The following AGTPBP1 variants were observed in gnomAD, a reference collection of about 807,000 sequenced individuals.
AGTPBP1 encodes the protein ATP/GTP binding carboxypeptidase 1, also known as cytosolic carboxypeptidase 1.
AGTPBP1 carries 70 observed loss-of-function variants against 143.9 expected under a neutral mutation model. The observed-to-expected ratio is 0.49, with a 90% CI of 0.40 to 0.59. The LOEUF is 0.59. Ranked by LOEUF, AGTPBP1 falls within the 20% of genes least tolerant of loss-of-function variation. The probability of loss-of-function intolerance (pLI) is 0.00; values close to 1 mark genes in which losing one functional copy is unlikely to be tolerated. For synonymous variants in AGTPBP1, 463 were observed against 500.2 expected, an observed-to-expected ratio of 0.93 and a Z score of 0.99; for missense variants, 1,229 against 1,464.5, an observed-to-expected ratio of 0.84 and a Z score of 2.62.
At chr9:85,548,666 T>G (rs943806791) in intron 25 of AGTPBP1, among the ~76,000 whole-genome samples, 5 of 136,242 alleles carry the variant, frequency 3.7e-5, no homozygotes, top group South Asian at 4.4e-4. Flanking sequence ...TTGGCTTTGG[T>G]TTTTTTTTGT....
the AGTPBP1 span, among the ~76,000 whole-genome samples, chr9:85,771,340 G>A: frequency 1.3e-5 from 2 of 152,110 alleles, no homozygotes; most frequent in Admixed American, 6.5e-5. Context: ...GCCGGGTGTG[G>A]TAGCATACAC....
chr9:85,676,023 C>CAA (rs563099446), intron 6 of AGTPBP1, among the ~76,000 whole-genome samples: 7 of 150,674 alleles, frequency 4.6e-5, no homozygotes, highest in Non-Finnish European at 8.8e-5. Flanking sequence ...GCCTCCGTCT[C>CAA]AAAAATAAAA....
chr9:85,563,187 G>C (rs143046281), intron 25 of AGTPBP1, among the ~76,000 whole-genome samples: 1 of 152,280 alleles, frequency 6.6e-6, no homozygotes, highest in African/African-American at 2.4e-5. Flanking sequence ...ACCAAGAACT[G>C]GGGGTGCTAT....
intron 1 of AGTPBP1, among the ~76,000 whole-genome samples, chr9:85,735,749 G>C (rs1006766807): frequency 6.6e-6 from 1 of 152,102 alleles, no homozygotes; most frequent in South Asian, 2.1e-4. Context: ...TAAACCTAAA[G>C]AGTTCTTGTT....
chr9:85,614,982 C>T (rs564129442), intron 17 of AGTPBP1, among the ~76,000 whole-genome samples: 2 of 152,234 alleles, frequency 1.3e-5, no homozygotes, highest in Non-Finnish European at 2.9e-5. Context: ...AACGGTATTT[C>T]GTACCTTTCG....
upstream of AGTPBP1, among the ~76,000 whole-genome samples, chr9:85,743,866 C>G (rs1824538360): frequency 6.6e-6 from 1 of 152,070 alleles, no homozygotes; most frequent in Non-Finnish European, 1.5e-5. Flanking sequence ...CCGAGAACCT[C>G]AGCCTCCAAA....
In AGTPBP1 at chr9:85,642,753, G is replaced by A. The variant is rs1473399766; in HGVS notation, c.1302+74C>T. 4.4e-6 allele frequency: 5 copies of A among 1,132,048 alleles called. No homozygotes were observed. The East Asian group carries it at 1.2e-4, about 27-fold the overall frequency. 70.1% of individuals were successfully genotyped at this position (1,132,048 alleles called of 1,614,324 possible). A position where few individuals can be genotyped will look rare whatever the true frequency, so the allele number is the denominator to read the frequency against. Reference sequence around the variant, plus strand: ...GAAATGGAAAGAAAATAAAAACAGTGATTATCGACCTAAGGGAAAAAAAAT... The same window carrying A: ...GAAATGGAAAGAAAATAAAAACAGTAATTATCGACCTAAGGGAAAAAAAAT... On this transcript the variant is annotated intron_variant, in intron 13 of 25. Coordinates refer to ENST00000357081, the MANE Select transcript of AGTPBP1 (RefSeq NM_001330701.2).
At chr9:85,609,010 T>C (rs1193212354) in intron 17 of AGTPBP1, among the ~76,000 whole-genome samples, 1 of 152,146 alleles carries the variant, frequency 6.6e-6, no homozygotes, top group Non-Finnish European at 1.5e-5. Flanking sequence ...AAATTATCTC[T>C]GTTGGAGAAG....
chr9:85,798,435 TC>T, the AGTPBP1 span, among the ~76,000 whole-genome samples: 4 of 150,992 alleles, frequency 2.6e-5, no homozygotes, highest in African/African-American at 9.7e-5. Flanking sequence ...TGGCGTGACC[TC>T]AGCTCACTGC....
chr9:85,614,332 A>C (rs1299099048), intron 17 of AGTPBP1, among the ~76,000 whole-genome samples: 1 of 152,074 alleles, frequency 6.6e-6, no homozygotes, highest in East Asian at 1.9e-4. Flanking sequence ...GTTGATTTTC[A>C]AGTAAATATA....
chr9:85,753,567 C>T, the AGTPBP1 span: 1,172 of 1,039,628 alleles, frequency 1.1e-3, 1 homozygote, highest in Non-Finnish European at 1.5e-3. Context: ...GCCTGGTCAA[C>T]ATGGTAAAAC....
intron 1 of AGTPBP1, among the ~76,000 whole-genome samples, chr9:85,716,111 C>T (rs1429006851): frequency 6.6e-6 from 1 of 152,112 alleles, no homozygotes; most frequent in Non-Finnish European, 1.5e-5. Context: ...TGAGACTTTC[C>T]CCACCCCACT....
At chr9:85,648,096 C>T (rs139033185) in intron 11 of AGTPBP1, among the ~76,000 whole-genome samples, 13 of 152,264 alleles carry the variant, frequency 8.5e-5, no homozygotes, top group Non-Finnish European at 1.9e-4. Context: ...GAATTCAAAT[C>T]CTAGCTCCCG....
the AGTPBP1 span, among the ~76,000 whole-genome samples, chr9:85,802,345 C>A: frequency 6.6e-6 from 1 of 152,090 alleles, no homozygotes; most frequent in Non-Finnish European, 1.5e-5. Flanking sequence ...CCCTTATCTT[C>A]CCCTTATACT....
intron 6 of AGTPBP1, among the ~76,000 whole-genome samples, chr9:85,674,053 G>A (rs932197019): frequency 1.3e-5 from 2 of 149,672 alleles, no homozygotes; most frequent in Admixed American, 6.7e-5. Flanking sequence ...AACCCAGGAG[G>A]AGGAGCTTGC....
At chr9:85,587,039 C>T in intron 21 of AGTPBP1, 79 bp from the exon 22 acceptor site, 1 of 1,532,798 alleles carries the variant, frequency 6.5e-7, no homozygotes, top group Non-Finnish European at 8.9e-7. Flanking sequence ...CCCTTATATA[C>T]ATATCTGATT....
At chr9:85,647,865 T>C (rs1832912750) in intron 11 of AGTPBP1, among the ~76,000 whole-genome samples, 1 of 151,902 alleles carries the variant, frequency 6.6e-6, no homozygotes, top group African/African-American at 2.4e-5. Context: ...GAAAGGAAAA[T>C]AAAGAATTAA....
At chr9:85,597,407 T>C (rs1829364619) in intron 17 of AGTPBP1, among the ~76,000 whole-genome samples, 1 of 152,074 alleles carries the variant, frequency 6.6e-6, no homozygotes, top group South Asian at 2.1e-4. Context: ...TACATTTAGA[T>C]AAATGAAACC....
At chr9:85,574,204 G>C (rs1827740726) in intron 25 of AGTPBP1, among the ~76,000 whole-genome samples, 3 of 151,972 alleles carry the variant, frequency 2.0e-5, no homozygotes, top group African/African-American at 7.3e-5. Flanking sequence ...CATGTGCTGT[G>C]TCCACTCAGG....
Sources: gnomAD v4.1 joint callset for allele counts (sites outside exome capture counted in the v4.1 genomes callset) on GRCh38, gnomAD v4.1.1 for gene constraint, MANE v1.5 for transcripts, NCBI Gene and HGNC (gene_info 2026-07-23, HGNC 2026-07-21) for gene names.